CTNNA2: variants seen among roughly 807,000 people sequenced by gnomAD.
CTNNA2 encodes catenin alpha-2.
A neutral mutation model predicts 101.0 loss-of-function variants in CTNNA2; 42 were observed. That is an observed-to-expected ratio of 0.42 (90% CI 0.32 to 0.54). CTNNA2 has a LOEUF of 0.54. Among genes scored for constraint, CTNNA2 ranks in the 20% least tolerant of loss-of-function variants. The probability of loss-of-function intolerance (pLI) is 0.14; values close to 1 mark genes in which losing one functional copy is unlikely to be tolerated. For missense variants in CTNNA2, 871 were observed against 1,223.1 expected (o/e 0.71, Z 4.29); for synonymous variants, 450 against 456.4 (o/e 0.99, Z 0.18).
At chr2:80,110,234 G>A (rs1432153639) in intron 7 of CTNNA2, among the ~76,000 whole-genome samples, 2 of 152,308 alleles carry the variant, frequency 1.3e-5, no homozygotes, top group Middle Eastern at 3.4e-3. Flanking sequence ...GAGGTCTAGA[G>A]GAAACAATCA....
intron 4 of CTNNA2, among the ~76,000 whole-genome samples, chr2:79,489,095 A>G (rs2104563069): frequency 6.6e-6 from 1 of 151,824 alleles, no homozygotes; most frequent in Admixed American, 6.6e-5. Flanking sequence ...TACTGCTTCT[A>G]CTCTATTATC....
chr2:79,521,839 A>T (rs1573234265), intron 1 of CTNNA2, among the ~76,000 whole-genome samples: 1 of 152,110 alleles, frequency 6.6e-6, no homozygotes, highest in African/African-American at 2.4e-5. Flanking sequence ...GAAAATTTAG[A>T]TTCTAGCCCA....
chr2:80,042,982 CTTCCT>C (rs1414538898), intron 7 of CTNNA2, among the ~76,000 whole-genome samples: 2 of 151,334 alleles, frequency 1.3e-5, no homozygotes, highest in Admixed American at 6.6e-5. Flanking sequence ...CTTTCCTTCC[CTTCCT>C]TTCCTTTCCT....
chr2:79,620,487 A>C lies in CTNNA2; in HGVS notation c.-5-31065A>C, dbSNP rs544529314. 7.9e-5 allele frequency among the ~76,000 whole-genome samples: 12 copies of C among 152,296 alleles called. 1 individual carries two copies. The South Asian group carries it at 2.5e-3, about 32-fold the overall frequency. On this transcript the variant is annotated intron_variant, in intron 1 of 18. Coordinates refer to ENST00000402739, the MANE Select transcript of CTNNA2 (RefSeq NM_001282597.3). The stretch of plus-strand genomic sequence containing the variant: ...ATACACATATGTGTCTTTCACCTTC[A>C]GTGGCACATAACTTATTTAGGGCTA...
chr2:80,233,132 T>G (rs1308049439), intron 7 of CTNNA2, among the ~76,000 whole-genome samples: 5 of 152,180 alleles, frequency 3.3e-5, no homozygotes, highest in Non-Finnish European at 7.3e-5. Context: ...AGTAGGAACC[T>G]GGGTAATGGT....
chr2:79,333,000 G>A (rs1471348389), intron 3 of CTNNA2, among the ~76,000 whole-genome samples: 1 of 152,064 alleles, frequency 6.6e-6, no homozygotes, highest in Non-Finnish European at 1.5e-5. Context: ...CATTTGCTCT[G>A]GGAACAACAG....
intron 7 of CTNNA2, among the ~76,000 whole-genome samples, chr2:80,102,097 T>C (rs1386958444): frequency 1.3e-5 from 2 of 152,166 alleles, no homozygotes; most frequent in Non-Finnish European, 2.9e-5. Flanking sequence ...CCCTCTTGAG[T>C]TGCAGTCTCT....
chr2:80,356,770 C>T (rs11892060), intron 7 of CTNNA2, among the ~76,000 whole-genome samples: 2,746 of 152,274 alleles, frequency 0.018, 81 homozygotes, highest in African/African-American at 0.061. Flanking sequence ...CAACACTTAT[C>T]GGTCAGCTGT....
chr2:80,064,250 G>A (rs140412030), intron 7 of CTNNA2, among the ~76,000 whole-genome samples: 1 of 152,310 alleles, frequency 6.6e-6, no homozygotes, highest in African/African-American at 2.4e-5. Context: ...GTGGTAACTT[G>A]TTCAAAATGA....
intron 9 of CTNNA2, among the ~76,000 whole-genome samples, chr2:80,468,943 A>C (rs1254782217): frequency 6.6e-6 from 1 of 152,118 alleles, no homozygotes; most frequent in Non-Finnish European, 1.5e-5. Flanking sequence ...AGAGGGCTTG[A>C]ACCAAATGAA....
chr2:80,081,395 T>C (rs886496570), intron 7 of CTNNA2, among the ~76,000 whole-genome samples: 1 of 152,090 alleles, frequency 6.6e-6, no homozygotes, highest in Non-Finnish European at 1.5e-5. Flanking sequence ...CTGTTTTCGT[T>C]ATCTGATGGT....
In CTNNA2 at chr2:80,013,919, G is replaced by C. The variant is rs181142217; in HGVS notation, c.1056+104122G>C. Among the ~76,000 whole-genome samples the C allele has an allele frequency of 2.0e-3, 308 of 152,278 alleles. 1 individual carries two copies. The highest frequency in any genetic ancestry group is 7.1e-3 in the African/African-American group (297 of 41,554). ...GGCTCACAGCCTACCAGGTCTAGGAGGGCTTCTAGGCACTTGTTGAGTGCA... is the reference window on the plus strand; with the variant it reads ...GGCTCACAGCCTACCAGGTCTAGGACGGCTTCTAGGCACTTGTTGAGTGCA... On this transcript the variant is annotated intron_variant, in intron 7 of 18. Transcript: ENST00000402739.
intron 7 of CTNNA2, among the ~76,000 whole-genome samples, chr2:80,016,082 T>G (rs1251300337): frequency 1.3e-5 from 2 of 152,196 alleles, no homozygotes; most frequent in Non-Finnish European, 2.9e-5. Context: ...TAAATATGTA[T>G]ATAAATAAAA....
chr2:80,114,112 C>T (rs1408429312), intron 7 of CTNNA2, among the ~76,000 whole-genome samples: 2 of 152,244 alleles, frequency 1.3e-5, no homozygotes, highest in Non-Finnish European at 2.9e-5. Context: ...AAAATTCCGT[C>T]GTCTAAATAA....
intron 9 of CTNNA2, among the ~76,000 whole-genome samples, chr2:80,510,888 C>A (rs1180711126): frequency 1.3e-5 from 2 of 152,128 alleles, no homozygotes; most frequent in East Asian, 3.9e-4. Flanking sequence ...GCAGAAGATT[C>A]TTGTTTATAT....
chr2:79,702,458 GA>G (rs970957335), intron 2 of CTNNA2, among the ~76,000 whole-genome samples: 6 of 151,980 alleles, frequency 3.9e-5, no homozygotes, highest in African/African-American at 9.7e-5. Flanking sequence ...GCCTTTTACA[GA>G]AAAAAAAGTG....
intron 3 of CTNNA2, among the ~76,000 whole-genome samples, chr2:79,846,435 G>A (rs1680235582): frequency 6.6e-6 from 1 of 152,184 alleles, no homozygotes; most frequent in Non-Finnish European, 1.5e-5. Context: ...TGAAATCAGT[G>A]ATGCGAGTAT....
At chr2:80,051,037 A>G (rs1448903102) in intron 7 of CTNNA2, among the ~76,000 whole-genome samples, 3 of 152,248 alleles carry the variant, frequency 2.0e-5, no homozygotes, top group East Asian at 1.9e-4. Flanking sequence ...AGACTTCTGT[A>G]TAGAGAATGT....
At position 79,756,031 on chromosome 2, in the gene CTNNA2, T is replaced by C. The variant is rs147411272; in HGVS notation, c.298+11449T>C. 4.0e-5 allele frequency among the ~76,000 whole-genome samples: 6 copies of C among 151,204 alleles called. No homozygotes were observed. The East Asian group carries it at 1.2e-3, about 29-fold the overall frequency. On this transcript the variant is annotated intron_variant, in intron 3 of 18. Transcript: ENST00000402739. ...GCATATTTTGTTAAATAAAATATATTTGTATGCCAAAGTTTGCATTAGCTG... is the reference window on the plus strand; with the variant it reads ...GCATATTTTGTTAAATAAAATATATCTGTATGCCAAAGTTTGCATTAGCTG...
Sources: gnomAD v4.1 joint callset for allele counts (sites outside exome capture counted in the v4.1 genomes callset) on GRCh38, gnomAD v4.1.1 for gene constraint, MANE v1.5 for transcripts, NCBI Gene and HGNC (gene_info 2026-07-23, HGNC 2026-07-21) for gene names.